B4GALT1: variants seen among roughly 807,000 people sequenced by gnomAD.
The protein encoded by B4GALT1 is N-acetyllactosamine synthase.
Under a neutral mutation model 34.9 loss-of-function variants are expected in B4GALT1, and 16 were observed. That is an observed-to-expected ratio of 0.46 (90% CI 0.31 to 0.70). The LOEUF is 0.70. Ranked by LOEUF, B4GALT1 falls within the 30% of genes least tolerant of loss-of-function variation. B4GALT1 has a pLI of 0.05. For missense variants in B4GALT1, 445 were observed against 530.5 expected (o/e 0.84, Z 1.58); for synonymous variants, 221 against 218.1 (o/e 1.01, Z -0.12).
chr9:33,105,139 T>TATTC (rs1839786452), intron 2 of B4GALT1, among the ~76,000 whole-genome samples: 1 of 151,448 alleles, frequency 6.6e-6, no homozygotes, highest in Non-Finnish European at 1.5e-5. Context: ...ATTTTAACCT[T>TATTC]ATTTATTTAT....
At chr9:33,141,916 G>A (rs138571313) in intron 1 of B4GALT1, among the ~76,000 whole-genome samples, 11 of 152,306 alleles carry the variant, frequency 7.2e-5, no homozygotes, top group East Asian at 3.9e-4. Context: ...CGATTCTCAC[G>A]TGAAGCATTT....
In B4GALT1 at chr9:33,113,461, G is replaced by A. The variant is rs200054419; in HGVS notation, c.1190C>T (p.Pro397Leu). Residue 397 changes from proline (P) to leucine (L), a missense_variant, in exon 6 of 6, where the codon CCG becomes CTG. Pro to Leu is a moderately conservative substitution (Grantham distance 98). Transcript: ENST00000379731. ...TATCCGTGTACCAAAACGCTAGCTC[G>A]GTGTCCCGATGTCCACTGTGATTTG... ...YTQITVDIGT[P>L]S 30 of 1,614,152 alleles carry A rather than the reference G, an allele frequency of 1.9e-5. No homozygotes were observed. The highest frequency in any genetic ancestry group is 1.2e-4 in the Admixed American group (7 of 60,024).
the B4GALT1 span, among the ~76,000 whole-genome samples, chr9:33,175,524 C>T: frequency 6.6e-6 from 1 of 152,216 alleles, no homozygotes; most frequent in South Asian, 2.1e-4. Context: ...TGCCACGTAA[C>T]AACATTTCAG....
chr9:33,120,584 C>A lies in B4GALT1; in HGVS notation c.671G>T (p.Arg224Leu). 1 of 1,614,144 alleles carries A rather than the reference C, an allele frequency of 6.2e-7. No individual in the cohort carries two copies. The highest frequency in any genetic ancestry group is 1.3e-5 in the African/African-American group (1 of 75,036). The change falls in exon 3 of 6, where the codon CGT (arginine) becomes CTT (leucine). Residue 224 changes from arginine to leucine, a missense_variant. By Grantham distance (102) the Arg-to-Leu change is moderately radical. This residue lies in a region of B4GALT1 where 349 missense variants were observed against 395.5 expected (regional missense o/e 0.88). Coordinates refer to ENST00000379731, the MANE Select transcript of B4GALT1 (RefSeq NM_001497.4). Reference sequence around the variant, plus strand: ...AAAGCCAACATTGAGGAGCTTAGCACGATTGAATATAGTGTCTCCCGCCTG... The same window carrying A: ...AAAGCCAACATTGAGGAGCTTAGCAAGATTGAATATAGTGTCTCCCGCCTG... The part of the protein sequence containing the change: ...INQAGDTIFN[R>L]AKLLNVGFQE...
the B4GALT1 span, among the ~76,000 whole-genome samples, chr9:33,172,640 G>A: frequency 1.3e-5 from 2 of 152,144 alleles, no homozygotes; most frequent in Non-Finnish European, 2.9e-5. Context: ...GTTCAGGGAT[G>A]GGAGATACGG....
At chr9:33,181,457 C>CACACACACACACACAA in the B4GALT1 span, among the ~76,000 whole-genome samples, 1 of 150,860 alleles carries the variant, frequency 6.6e-6, no homozygotes, top group African/African-American at 2.5e-5. Flanking sequence ...CACACACACA[C>CACACACACACACACAA]ACAAACTATT....
intron 2 of B4GALT1, 98 bp from the exon 3 acceptor site, chr9:33,120,704 G>C: frequency 7.9e-7 from 1 of 1,272,260 alleles, no homozygotes; most frequent in South Asian, 1.2e-5. Context: ...ATGGTCACTA[G>C]GAAACTCTTG....
chr9:33,118,175 G>A (rs1378427321), intron 3 of B4GALT1, among the ~76,000 whole-genome samples: 1 of 152,206 alleles, frequency 6.6e-6, no homozygotes, highest in Non-Finnish European at 1.5e-5. Flanking sequence ...GGGGACGGAA[G>A]GGTATAGAAG....
chr9:33,152,538 A>T (rs1159267089), intron 1 of B4GALT1, among the ~76,000 whole-genome samples: 1 of 151,674 alleles, frequency 6.6e-6, no homozygotes, highest in Non-Finnish European at 1.5e-5. Context: ...GGTAAAAAAA[A>T]ATGGGCCAAA....
chr9:33,147,921 C>T (rs1018042260), intron 1 of B4GALT1, among the ~76,000 whole-genome samples: 37 of 152,082 alleles, frequency 2.4e-4, no homozygotes, highest in African/African-American at 8.9e-4. Context: ...GTAGTCCCAA[C>T]TACTCAGGAG....
At chr9:33,138,337 T>C (rs896091165) in intron 1 of B4GALT1, among the ~76,000 whole-genome samples, 1 of 152,158 alleles carries the variant, frequency 6.6e-6, no homozygotes, top group African/African-American at 2.4e-5. Context: ...GTTTCCTCAT[T>C]TGTAAACTGC....
chr9:33,145,121 C>CT (rs1255023437), intron 1 of B4GALT1, among the ~76,000 whole-genome samples: 1 of 152,160 alleles, frequency 6.6e-6, no homozygotes, highest in Non-Finnish European at 1.5e-5. Flanking sequence ...TTCATCTGTG[C>CT]TCAGAAACAG....
chr9:33,167,324 C>T lies in B4GALT1; in HGVS notation c.-155G>A. ...GAGAGCTGAGACTCCTCCAGCCAGC[C>T]AGACCTGGGAGCGGCGAGAAGCCGC... On this transcript the variant is annotated 5_prime_UTR_variant, in exon 1 of 6. Coordinates refer to ENST00000379731, the MANE Select transcript of B4GALT1 (RefSeq NM_001497.4). 8.8e-6 allele frequency: 9 copies of T among 1,027,084 alleles called. No homozygotes were observed. Among genetic ancestry groups the T allele is most frequent in the Non-Finnish European group, 9.0e-6 (7 of 780,266 alleles). 63.6% of individuals were successfully genotyped at this position (1,027,084 alleles called of 1,614,324 possible).
chr9:33,142,108 G>A (rs1198883335), intron 1 of B4GALT1, among the ~76,000 whole-genome samples: 1 of 151,822 alleles, frequency 6.6e-6, no homozygotes, highest in Non-Finnish European at 1.5e-5. Flanking sequence ...ACAGCCTCCC[G>A]AGTAGCTGGG....
chr9:33,133,649 G>T (rs1587737046), intron 2 of B4GALT1, among the ~76,000 whole-genome samples: 1 of 152,228 alleles, frequency 6.6e-6, no homozygotes, highest in East Asian at 1.9e-4. Context: ...CTGCGTGGCT[G>T]TCTTGCTTGC....
chr9:33,159,846 C>A (rs1840649663), intron 1 of B4GALT1, among the ~76,000 whole-genome samples: 1 of 152,222 alleles, frequency 6.6e-6, no homozygotes, highest in South Asian at 2.1e-4. Context: ...CCCAGAGCCA[C>A]AGTAGTCCAC....
At chr9:33,105,297 G>A (rs994685337) in intron 2 of B4GALT1, among the ~76,000 whole-genome samples, 10 of 151,786 alleles carry the variant, frequency 6.6e-5, no homozygotes, top group Admixed American at 1.3e-4. Context: ...GCACCACCAC[G>A]CCTGGCTAAT....
chr9:33,115,901 G>C lies in B4GALT1; in HGVS notation c.959+90C>G, dbSNP rs956603883. On this transcript the variant is annotated intron_variant, in intron 4 of 5. Coordinates refer to ENST00000379731, the MANE Select transcript of B4GALT1 (RefSeq NM_001497.4). ...TGACTAGGGGTGCATCCCATCTGAG[G>C]GTCAGTCCTTGGGGAACAACCAAGC... The C allele has an allele frequency of 4.1e-5, 63 of 1,524,988 alleles. No homozygotes were observed. In the African/African-American group the frequency reaches 6.6e-4, roughly 16 times the overall value. The allele number at this position is 1,524,988 out of a possible 1,614,324, so 94.5% of individuals were successfully genotyped here.
intron 2 of B4GALT1, among the ~76,000 whole-genome samples, chr9:33,129,952 G>C (rs191556241): frequency 1.3e-5 from 2 of 152,180 alleles, no homozygotes; most frequent in South Asian, 2.1e-4. Context: ...TGGGCCTTCC[G>C]ACCATTTAGA....
Sources: gnomAD v4.1 joint callset for allele counts (sites outside exome capture counted in the v4.1 genomes callset) on GRCh38, gnomAD v4.1.1 for gene constraint, gnomAD v4.1.1 regional missense constraint, MANE v1.5 for transcripts, NCBI Gene and HGNC (gene_info 2026-07-23, HGNC 2026-07-21) for gene names.